Variants in PDE3B observed in about 807,000 individuals in gnomAD.
PDE3B encodes the protein cGMP-inhibited 3',5'-cyclic phosphodiesterase 3B.
Under a neutral mutation model 116.8 loss-of-function variants are expected in PDE3B, and 66 were observed. That is an observed-to-expected ratio of 0.56 (90% CI 0.46 to 0.69). PDE3B has a LOEUF of 0.69. Ranked by LOEUF, PDE3B falls within the 30% of genes least tolerant of loss-of-function variation. The probability of loss-of-function intolerance (pLI) is 0.00; values close to 1 mark genes in which losing one functional copy is unlikely to be tolerated. For synonymous variants in PDE3B, 595 were observed against 533.6 expected, an observed-to-expected ratio of 1.12 and a Z score of -1.59; for missense variants, 1,384 against 1,368.1, an observed-to-expected ratio of 1.01 and a Z score of -0.18.
At chr11:14,743,426 A>G (rs1391867965) in intron 1 of PDE3B, among the ~76,000 whole-genome samples, 1 of 152,228 alleles carries the variant, frequency 6.6e-6, no homozygotes, top group East Asian at 1.9e-4. Flanking sequence ...AAGTTGGAGC[A>G]TCACAGGTTG....
At chr11:14,843,310 A>C (rs2133973438) in intron 11 of PDE3B, among the ~76,000 whole-genome samples, 1 of 152,334 alleles carries the variant, frequency 6.6e-6, no homozygotes, top group Admixed American at 6.5e-5. Flanking sequence ...ATGAAAGAAA[A>C]CAAAAGGGAG....
At chr11:14,839,906 G>A (rs1279226812) in intron 11 of PDE3B, among the ~76,000 whole-genome samples, 2 of 152,188 alleles carry the variant, frequency 1.3e-5, no homozygotes, top group African/African-American at 4.8e-5. Context: ...TATCATTGAA[G>A]TATACTAGGG....
intron 12 of PDE3B, among the ~76,000 whole-genome samples, chr11:14,846,791 T>G (rs938960237): frequency 2.0e-5 from 3 of 152,124 alleles, no homozygotes; most frequent in African/African-American, 7.2e-5. Flanking sequence ...AAGAGCTAAC[T>G]ATCCTAAATA....
At chr11:14,738,077 A>T (rs529376521) in intron 1 of PDE3B, among the ~76,000 whole-genome samples, 1 of 152,162 alleles carries the variant, frequency 6.6e-6, no homozygotes, top group African/African-American at 2.4e-5. Flanking sequence ...CACAATAAAC[A>T]TACGTGTGCA....
chr11:14,770,206 A>G (rs1857599633), intron 1 of PDE3B, among the ~76,000 whole-genome samples: 1 of 151,364 alleles, frequency 6.6e-6, no homozygotes, highest in African/African-American at 2.4e-5. Flanking sequence ...TTTTAGTGAT[A>G]TATCGTATGG....
intron 1 of PDE3B, among the ~76,000 whole-genome samples, chr11:14,696,115 A>T (rs1855198910): frequency 6.6e-6 from 1 of 152,186 alleles, no homozygotes; most frequent in Non-Finnish European, 1.5e-5. Flanking sequence ...ACTAATTTAC[A>T]TTCTCATCAA....
intron 11 of PDE3B, among the ~76,000 whole-genome samples, chr11:14,836,867 T>A (rs184951788): frequency 6.6e-6 from 1 of 152,360 alleles, no homozygotes; most frequent in African/African-American, 2.4e-5. Context: ...CAGAGTACAG[T>A]GGCTTGATCT....
At position 14,830,784 on chromosome 11, in the gene PDE3B, A is replaced by C; in HGVS notation, c.1894A>C (p.Lys632Gln). Residue 632 changes from lysine (K) to glutamine (Q), a missense_variant, in exon 8 of 16, where the codon AAA (lysine) becomes CAA (glutamine). By Grantham distance (53) the Lys-to-Gln change is moderately conservative. Coordinates refer to ENST00000282096, the MANE Select transcript of PDE3B (RefSeq NM_000922.4). ...EEETEKKDSR[K>Q]LFQEGDKWLT... ...GGAAACAGAGAAGAAAGACAGCAGA[A>C]AATTATTTCAGGAAGGTGATAAGTG... 6.5e-7 allele frequency: 1 copy of C among 1,543,020 alleles called. No homozygotes were observed. Among genetic ancestry groups the C allele is most frequent in the Middle Eastern group, 1.7e-4 (1 of 5,828 alleles).
chr11:14,816,312 A>G (rs935228906), intron 5 of PDE3B, among the ~76,000 whole-genome samples: 5 of 152,268 alleles, frequency 3.3e-5, no homozygotes, highest in African/African-American at 1.2e-4. Context: ...ACCATAACCA[A>G]GTTGACACCA....
At chr11:14,669,901 A>G (rs976259739) in intron 1 of PDE3B, among the ~76,000 whole-genome samples, 1 of 152,176 alleles carries the variant, frequency 6.6e-6, no homozygotes, top group Non-Finnish European at 1.5e-5. Context: ...AATAGGCATA[A>G]AAATGAAAGC....
chr11:14,843,097 A>C (rs1847509328), intron 11 of PDE3B, among the ~76,000 whole-genome samples: 1 of 152,208 alleles, frequency 6.6e-6, no homozygotes, highest in Non-Finnish European at 1.5e-5. Context: ...AAATAATAGA[A>C]TGATCATCTA....
intron 1 of PDE3B, among the ~76,000 whole-genome samples, chr11:14,648,603 A>G (rs187837359): frequency 8.3e-4 from 126 of 152,126 alleles, no homozygotes; most frequent in Non-Finnish European, 1.3e-3. Context: ...TATAGTATGT[A>G]CTCTGCCATG....
intron 4 of PDE3B, among the ~76,000 whole-genome samples, chr11:14,793,506 A>T (rs1382025413): frequency 2.6e-5 from 4 of 152,086 alleles, no homozygotes; most frequent in Non-Finnish European, 4.4e-5. Context: ...TGAATTTTGG[A>T]GCATTTTGGA....
intron 1 of PDE3B, among the ~76,000 whole-genome samples, chr11:14,662,470 C>T (rs1289744042): frequency 3.9e-5 from 6 of 152,028 alleles, no homozygotes; most frequent in African/African-American, 7.3e-5. Context: ...ATGACTTTGA[C>T]GAGTTGAGAG....
intron 1 of PDE3B, among the ~76,000 whole-genome samples, chr11:14,670,710 AT>A (rs1357490710): frequency 2.0e-5 from 3 of 152,134 alleles, no homozygotes; most frequent in Non-Finnish European, 4.4e-5. Context: ...ATAATAGTCT[AT>A]TACTTTATCC....
At chr11:14,671,994 G>C (rs1005720068) in intron 1 of PDE3B, among the ~76,000 whole-genome samples, 33 of 145,334 alleles carry the variant, frequency 2.3e-4, no homozygotes, top group African/African-American at 8.5e-4. Context: ...TCCAGCCTGG[G>C]TGACAGAGTG....
At chr11:14,794,942 C>T (rs1405540289) in intron 4 of PDE3B, among the ~76,000 whole-genome samples, 1 of 152,104 alleles carries the variant, frequency 6.6e-6, no homozygotes, top group East Asian at 1.9e-4. Flanking sequence ...AGCTTCTGCC[C>T]CTGTGGAGTT....
intron 2 of PDE3B, among the ~76,000 whole-genome samples, chr11:14,777,733 C>G (rs1314923331): frequency 6.6e-6 from 1 of 152,096 alleles, no homozygotes; most frequent in Non-Finnish European, 1.5e-5. Flanking sequence ...ATGAGTGATG[C>G]AGAAGATGGG....
chr11:14,670,680 C>T (rs1258973419), intron 1 of PDE3B, among the ~76,000 whole-genome samples: 1 of 152,056 alleles, frequency 6.6e-6, no homozygotes, highest in African/African-American at 2.4e-5. Context: ...TAGATAAAAG[C>T]TTTAGGATAT....
Sources: allele counts gnomAD v4.1 joint callset (sites outside exome capture counted in the v4.1 genomes callset), GRCh38; gene constraint gnomAD v4.1.1; transcripts MANE v1.5; gene names NCBI Gene and HGNC (gene_info 2026-07-23, HGNC 2026-07-21).